EXOC6B: variants seen among roughly 807,000 people sequenced by gnomAD.
EXOC6B encodes exocyst complex component 6B, also known as SEC15 homolog B.
A neutral mutation model predicts 113.5 loss-of-function variants in EXOC6B; 54 were observed. The observed-to-expected ratio is 0.48, with a 90% CI of 0.38 to 0.60. The LOEUF is 0.60. Ranked by LOEUF, EXOC6B falls within the 20% of genes least tolerant of loss-of-function variation. EXOC6B has a pLI of 0.00. For missense variants in EXOC6B, 797 were observed against 977.5 expected (o/e 0.82, Z 2.46); for synonymous variants, 357 against 339.0 (o/e 1.05, Z -0.58).
chr2:72,241,927 C>A (rs1231069213), intron 20 of EXOC6B, among the ~76,000 whole-genome samples: 1 of 152,098 alleles, frequency 6.6e-6, no homozygotes, highest in East Asian at 1.9e-4. Context: ...AAGAGCCTGG[C>A]CAGGTGTGGT....
At chr2:72,315,159 T>G (rs1687435713) in intron 20 of EXOC6B, among the ~76,000 whole-genome samples, 3 of 152,110 alleles carry the variant, frequency 2.0e-5, no homozygotes, top group African/African-American at 7.2e-5. Context: ...TATCAAGACC[T>G]GAACAAGATG....
intron 8 of EXOC6B, among the ~76,000 whole-genome samples, chr2:72,544,531 G>A (rs1013934527): frequency 2.6e-5 from 4 of 152,014 alleles, no homozygotes; most frequent in African/African-American, 7.2e-5. Flanking sequence ...GTATTAGGAC[G>A]TGCTTGCTTC....
chr2:72,315,543 C>T (rs1288910797), intron 20 of EXOC6B, among the ~76,000 whole-genome samples: 1 of 151,914 alleles, frequency 6.6e-6, no homozygotes, highest in African/African-American at 2.4e-5. Context: ...ATCATGGAGA[C>T]CAGTTAAAAA....
chr2:72,796,066 G>A lies in EXOC6B; in HGVS notation c.113+29732C>T, dbSNP rs374848306. On this transcript the variant is annotated intron_variant, in intron 1 of 21. Transcript: ENST00000272427. Reference sequence around the variant, plus strand: ...TCGAACTCCTGACATCAGGTGATCCGCCCACCTTGGCCTCCCAAAGTGCTA... The same window carrying A: ...TCGAACTCCTGACATCAGGTGATCCACCCACCTTGGCCTCCCAAAGTGCTA... Among the ~76,000 whole-genome samples, 22 of 151,172 alleles carry A rather than the reference G, an allele frequency of 1.5e-4. 2 individuals are homozygous for A. Among genetic ancestry groups the A allele is most frequent in the African/African-American group, 4.6e-4 (19 of 41,378 alleles).
chr2:72,574,149 T>G (rs868793393), intron 7 of EXOC6B, among the ~76,000 whole-genome samples: 3 of 151,822 alleles, frequency 2.0e-5, no homozygotes, highest in Non-Finnish European at 4.4e-5. Context: ...TACATTCTTA[T>G]GATAGCTCCT....
At chr2:72,481,391 G>C (rs1699083241) in intron 16 of EXOC6B, among the ~76,000 whole-genome samples, 1 of 152,118 alleles carries the variant, frequency 6.6e-6, no homozygotes, top group Admixed American at 6.6e-5. Flanking sequence ...GTTTAAAAAA[G>C]ATTAGACTAA....
In EXOC6B at chr2:72,764,364, C is replaced by CTTT. The variant is rs397869115; in HGVS notation, c.114-22898_114-22896dup. 8.7e-3 allele frequency among the ~76,000 whole-genome samples: 578 copies of CTTT among 66,800 alleles called. 1 individual carries two copies. Among genetic ancestry groups the CTTT allele is most frequent in the African/African-American group, 0.017 (337 of 19,300 alleles). The allele number at this position is 66,800 out of a possible 152,430, so 43.8% of individuals were successfully genotyped here. On this transcript the variant is annotated intron_variant, in intron 1 of 21. Transcript: ENST00000272427. ...GCATTACCTCTCCCTTATTTTCTCT[C>CTTT]TTTTTTTTTTTTTTTTTTTTTTTTT... is the stretch of plus-strand genomic sequence containing the variant.
At chr2:72,373,899 G>C (rs1419031965) in intron 19 of EXOC6B, among the ~76,000 whole-genome samples, 1 of 152,110 alleles carries the variant, frequency 6.6e-6, no homozygotes, top group East Asian at 1.9e-4. Context: ...CGAGGTGGGT[G>C]GATCACGGGT....
At chr2:72,450,600 A>T (rs1696855325) in intron 18 of EXOC6B, among the ~76,000 whole-genome samples, 1 of 152,208 alleles carries the variant, frequency 6.6e-6, no homozygotes, top group Admixed American at 6.5e-5. Context: ...TTTTTTAATC[A>T]AAAGCAGATT....
intron 16 of EXOC6B, among the ~76,000 whole-genome samples, chr2:72,491,335 C>T (rs1462031815): frequency 6.6e-6 from 1 of 151,996 alleles, no homozygotes; most frequent in Non-Finnish European, 1.5e-5. Flanking sequence ...ACTCCAAAAT[C>T]AGAAGTAAAT....
At chr2:72,503,810 A>G (rs1700458136) in intron 11 of EXOC6B, among the ~76,000 whole-genome samples, 1 of 152,202 alleles carries the variant, frequency 6.6e-6, no homozygotes, top group African/African-American at 2.4e-5. Flanking sequence ...CATTCCCACT[A>G]GCAATGAATG....
chr2:72,297,246 A>G (rs1368788559), intron 20 of EXOC6B, among the ~76,000 whole-genome samples: 2 of 152,184 alleles, frequency 1.3e-5, no homozygotes, highest in Non-Finnish European at 2.9e-5. Flanking sequence ...AAGGTTTATT[A>G]TATAGGTAAA....
chr2:72,224,820 G>GCGCGCA (rs397725284), intron 20 of EXOC6B, among the ~76,000 whole-genome samples: 89 of 130,746 alleles, frequency 6.8e-4, no homozygotes, highest in African/African-American at 2.1e-3. Context: ...GTGTGTGTGT[G>GCGCGCA]CGTGTGTGTA....
intron 18 of EXOC6B, among the ~76,000 whole-genome samples, chr2:72,385,408 A>G (rs1405652971): frequency 6.7e-6 from 1 of 149,324 alleles, no homozygotes; most frequent in Non-Finnish European, 1.5e-5. Flanking sequence ...AAACTACTAG[A>G]AAAAAAAAAC....
chr2:72,631,750 C>T (rs1453240143), intron 6 of EXOC6B, among the ~76,000 whole-genome samples: 2 of 151,942 alleles, frequency 1.3e-5, no homozygotes, highest in African/African-American at 2.4e-5. Flanking sequence ...GCAATCCACC[C>T]GCCTTGGCCT....
intron 1 of EXOC6B, among the ~76,000 whole-genome samples, chr2:72,821,740 C>A (rs182415160): frequency 6.6e-6 from 1 of 152,122 alleles, no homozygotes. Context: ...CAAAATGTCC[C>A]GATGTCCAGA....
At chr2:72,582,859 G>T (rs1199253160) in intron 6 of EXOC6B, among the ~76,000 whole-genome samples, 1 of 152,094 alleles carries the variant, frequency 6.6e-6, no homozygotes, top group Non-Finnish European at 1.5e-5. Context: ...CCCCCAATTG[G>T]CCAGGCTGAT....
chr2:72,641,544 A>C (rs1573538202), intron 6 of EXOC6B, among the ~76,000 whole-genome samples: 1 of 152,366 alleles, frequency 6.6e-6, no homozygotes, highest in African/African-American at 2.4e-5. Context: ...TTGAGTAGGT[A>C]AACAAAGCAG....
chr2:72,646,688 A>G (rs1226965484), intron 6 of EXOC6B, among the ~76,000 whole-genome samples: 2 of 152,230 alleles, frequency 1.3e-5, no homozygotes. Context: ...AAACAGAACC[A>G]ATGACAAAAA....
Sources: gnomAD v4.1 joint callset for allele counts (sites outside exome capture counted in the v4.1 genomes callset) on GRCh38, gnomAD v4.1.1 for gene constraint, MANE v1.5 for transcripts, NCBI Gene and HGNC (gene_info 2026-07-23, HGNC 2026-07-21) for gene names.